CRYBG1: variants seen among roughly 807,000 people sequenced by gnomAD.
CRYBG1 encodes the protein beta/gamma crystallin domain-containing protein 1.
Under a neutral mutation model 189.2 loss-of-function variants are expected in CRYBG1, and 139 were observed. The ratio of observed to expected loss-of-function variants is 0.73; its 90% CI spans 0.64 to 0.85. CRYBG1 has a LOEUF of 0.85. CRYBG1 is among the 40% of genes least tolerant of loss of function. CRYBG1 has a pLI of 0.00. For missense variants in CRYBG1, 2,611 were observed against 2,675.8 expected, an observed-to-expected ratio of 0.98 and a Z score of 0.53; for synonymous variants, 1,023 against 1,017.1, an observed-to-expected ratio of 1.01 and a Z score of -0.11.
chr6:106,446,320 C>T (rs2114429011), intron 1 of CRYBG1, among the ~76,000 whole-genome samples: 1 of 152,302 alleles, frequency 6.6e-6, no homozygotes, highest in Middle Eastern at 3.4e-3. Context: ...CAACCAATGC[C>T]TTAATTCAGA....
At chr6:106,527,881 T>C (rs916224157) in intron 7 of CRYBG1, among the ~76,000 whole-genome samples, 6 of 152,222 alleles carry the variant, frequency 3.9e-5, no homozygotes, top group Non-Finnish European at 7.3e-5. Flanking sequence ...ATTTGGTTGA[T>C]TAACTCTGGG....
chr6:106,502,373 G>A (rs1284104899), intron 2 of CRYBG1, among the ~76,000 whole-genome samples: 1 of 152,170 alleles, frequency 6.6e-6, no homozygotes, highest in African/African-American at 2.4e-5. Context: ...GACTTCACAA[G>A]GAACACATTT....
At chr6:106,447,992 A>C (rs1771699774) in intron 1 of CRYBG1, among the ~76,000 whole-genome samples, 1 of 152,210 alleles carries the variant, frequency 6.6e-6, no homozygotes, top group African/African-American at 2.4e-5. Flanking sequence ...GTGTTTCAGG[A>C]GACAAACTTG....
At chr6:106,471,050 C>CA (rs1341375103) in intron 2 of CRYBG1, among the ~76,000 whole-genome samples, 2 of 152,164 alleles carry the variant, frequency 1.3e-5, no homozygotes, top group Non-Finnish European at 2.9e-5. Flanking sequence ...ATTTCAGCCC[C>CA]ACCCTTGTAA....
chr6:106,548,764 T>C (rs1056101376), intron 13 of CRYBG1, among the ~76,000 whole-genome samples: 2 of 152,016 alleles, frequency 1.3e-5, no homozygotes, highest in African/African-American at 4.8e-5. Flanking sequence ...TTATTATACT[T>C]TAAGTTTTAG....
Position 106,499,448 on chromosome 6 carries a change from C to G in CRYBG1, c.313-11982C>G, listed in dbSNP as rs1031179768. On this transcript the variant is annotated intron_variant, in intron 2 of 21. Transcript: ENST00000633556. ...GTGTTGGGATTACAGGAGTGAGCCACCGCACCCAGCCTGTGTGTGTTTTTT... is the reference window on the plus strand; with the variant it reads ...GTGTTGGGATTACAGGAGTGAGCCAGCGCACCCAGCCTGTGTGTGTTTTTT... Among the ~76,000 whole-genome samples, 7 of 151,456 alleles carry G rather than the reference C, an allele frequency of 4.6e-5. No individual in the cohort carries two copies. In the East Asian group the frequency reaches 1.2e-3, roughly 25 times the overall value.
intron 1 of CRYBG1, among the ~76,000 whole-genome samples, chr6:106,361,965 C>G (rs1033076521): frequency 2.2e-5 from 2 of 91,680 alleles, no homozygotes; most frequent in Non-Finnish European, 3.9e-5. Flanking sequence ...TTATTTCTTT[C>G]TTTCTTTTTT....
chr6:106,545,765 G>C (rs773061230), intron 13 of CRYBG1, among the ~76,000 whole-genome samples: 5 of 152,030 alleles, frequency 3.3e-5, no homozygotes, highest in Non-Finnish European at 7.4e-5. Flanking sequence ...TGCAACCTCT[G>C]CCTCCTGGGC....
At chr6:106,565,602 A>G (rs1774860502) in intron 21 of CRYBG1, among the ~76,000 whole-genome samples, 1 of 152,202 alleles carries the variant, frequency 6.6e-6, no homozygotes, top group African/African-American at 2.4e-5. Flanking sequence ...TAGGGAACAC[A>G]AACTAAGCAC....
chr6:106,520,058 A>AT lies in CRYBG1; in HGVS notation c.2851dup (p.Ser951PhefsTer30). The AT allele has an allele frequency of 6.2e-7, 1 of 1,614,130 alleles. No homozygotes were observed. The highest frequency in any genetic ancestry group is 8.5e-7 in the Non-Finnish European group (1 of 1,179,986). Reference sequence around the variant, plus strand: ...CAGAAGCTGTGGGAAGTGAGTGTCCATCCAGAGTCCTCGTCCAGGTCAGGT... The same window carrying AT: ...CAGAAGCTGTGGGAAGTGAGTGTCCATTCCAGAGTCCTCGTCCAGGTCAGGT... On this transcript the variant is annotated frameshift_variant, in exon 4 of 22. Transcript: ENST00000633556. LOFTEE classifies it high-confidence loss of function.
Position 106,539,406 on chromosome 6 carries a change from G to A in CRYBG1, c.4722G>A (p.Trp1574Ter), listed in dbSNP as rs559044700. ...TCCTTCCATGGTGGCTATTTAGGTGGCTGATTTATGAAGAACCTGGATTTC... is the reference window on the plus strand; with the variant it reads ...TCCTTCCATGGTGGCTATTTAGGTGACTGATTTATGAAGAACCTGGATTTC... Reference protein sequence around the residue: ...TCSMKVHWGTWLIYEEPGFQG... With the variant: ...TCSMKVHWGT The change falls in exon 9 of 22, where the codon TGG (tryptophan) becomes TGA (stop). Residue 1574 changes from tryptophan to a stop codon, truncating the protein, a stop_gained. Transcript: ENST00000633556. LOFTEE classifies it high-confidence loss of function. The A allele has an allele frequency of 5.6e-5, 90 of 1,613,682 alleles. No individual in the cohort carries two copies. Among genetic ancestry groups the A allele is most frequent in the Admixed American group, 3.0e-4 (18 of 59,928 alleles).
chr6:106,449,454 A>G (rs1046699981), intron 1 of CRYBG1: 2 of 152,536 alleles, frequency 1.3e-5, no homozygotes, highest in South Asian at 4.1e-4. Flanking sequence ...CCTGGTTAGT[A>G]CTTGAATGGC....
At chr6:106,473,339 CA>C (rs1299035155) in intron 2 of CRYBG1, among the ~76,000 whole-genome samples, 1 of 152,212 alleles carries the variant, frequency 6.6e-6, no homozygotes, top group African/African-American at 2.4e-5. Flanking sequence ...TTTCATCCCA[CA>C]TCACTCCATA....
rs113093109 is a variant in CRYBG1, at chr6:106,545,137, G to A, written c.5312+204G>A. Among the ~76,000 whole-genome samples, 435 of 152,122 alleles carry A rather than the reference G, an allele frequency of 2.9e-3. 3 individuals carry two copies. Among genetic ancestry groups the A allele is most frequent in the African/African-American group, 0.01 (422 of 41,492 alleles). On this transcript the variant is annotated intron_variant, in intron 13 of 21. Transcript: ENST00000633556. ...TTCTCATACCATCTCTTCTTTTTAC[G>A]TTTGGGGTAGGCTTTGGGTATCATG...
chr6:106,418,296 G>A (rs181963447), intron 1 of CRYBG1, among the ~76,000 whole-genome samples: 2 of 152,248 alleles, frequency 1.3e-5, no homozygotes, highest in African/African-American at 4.8e-5. Flanking sequence ...GCATTATTCA[G>A]AAAGAATCAA....
intron 2 of CRYBG1, among the ~76,000 whole-genome samples, chr6:106,477,864 G>A (rs899786998): frequency 6.6e-6 from 1 of 152,244 alleles, no homozygotes; most frequent in African/African-American, 2.4e-5. Context: ...CCTGTGTAAA[G>A]GATCTCACAC....
intron 1 of CRYBG1, among the ~76,000 whole-genome samples, chr6:106,425,830 G>A (rs982765711): frequency 1.3e-5 from 2 of 151,952 alleles, no homozygotes; most frequent in Non-Finnish European, 2.9e-5. Flanking sequence ...GTAGAGACAG[G>A]GTTTCACCAG....
chr6:106,510,375 C>G (rs1341140455), intron 2 of CRYBG1, among the ~76,000 whole-genome samples: 1 of 152,378 alleles, frequency 6.6e-6, no homozygotes, highest in African/African-American at 2.4e-5. Flanking sequence ...CCACCGCGCC[C>G]ATTGGCGGGT....
intron 2 of CRYBG1, among the ~76,000 whole-genome samples, chr6:106,482,238 G>A (rs941427166): frequency 3.3e-5 from 5 of 152,244 alleles, no homozygotes; most frequent in African/African-American, 9.6e-5. Flanking sequence ...AACCTGTGAT[G>A]CTTCAAATCT....
Sources: allele counts gnomAD v4.1 joint callset (sites outside exome capture counted in the v4.1 genomes callset), GRCh38; gene constraint gnomAD v4.1.1; transcripts MANE v1.5; gene names NCBI Gene and HGNC (gene_info 2026-07-23, HGNC 2026-07-21).